SMC3: variants seen among roughly 807,000 people sequenced by gnomAD.
The protein encoded by SMC3 is structural maintenance of chromosomes protein 3.
In SMC3, 20 loss-of-function variants were observed where a neutral mutation model predicts 171.8. The ratio of observed to expected loss-of-function variants is 0.12; its 90% confidence interval spans 0.08 to 0.17. SMC3 has a LOEUF of 0.17. Among genes scored for constraint, SMC3 ranks in the 10% least tolerant of loss-of-function variants. SMC3 has a pLI of 1.00. For synonymous variants in SMC3, 464 were observed against 451.1 expected (o/e 1.03, Z -0.36); for missense variants, 543 against 1,420.4 (o/e 0.38, Z 9.93).
chr10:110,596,674 A>T, intron 19 of SMC3, 124 bp downstream of exon 19: 1 of 886,412 alleles, frequency 1.1e-6, no homozygotes, highest in Non-Finnish European at 1.7e-6. Flanking sequence ...TCAAGAGCTT[A>T]TGTTTGTTTA....
rs1590572239 is a variant in SMC3 at position 110,603,425 on chromosome 10, C to G, written c.3582+135C>G. The stretch of plus-strand genomic sequence containing the variant: ...ATCTGATGTCTTTGTAAAGAAAGAA[C>G]TTTTCCTTCAAATAACTATGAAGTT... On this transcript the variant is annotated intron_variant, in intron 28 of 28. Transcript: ENST00000361804. 4 of 653,894 alleles carry G rather than the reference C, an allele frequency of 6.1e-6. No individual in the cohort carries two copies. The East Asian group carries it at 1.1e-4, about 18-fold the overall frequency. The allele number at this position is 653,894 out of a possible 1,614,324, so 40.5% of individuals were successfully genotyped here.
intron 23 of SMC3, 151 bp from the exon 24 acceptor site, chr10:110,601,486 C>A: frequency 1.3e-6 from 1 of 762,624 alleles, no homozygotes; most frequent in Non-Finnish European, 2.1e-6. Context: ...TAATTTTGTA[C>A]TGACTTAACA....
chr10:110,590,650 A>T, intron 16 of SMC3, 78 bp downstream of exon 16: 1 of 1,225,026 alleles, frequency 8.2e-7, no homozygotes, highest in Non-Finnish European at 1.2e-6. Context: ...TAGTTTTTGT[A>T]CAACATATCT....
In SMC3 at chr10:110,583,714, A is replaced by T. The variant is rs1157848078; in HGVS notation, c.970-127A>T. On this transcript the variant is annotated intron_variant, in intron 11 of 28. Transcript: ENST00000361804. ...ACTTGGTACTGTCCCTTTGTTTCTT[A>T]CATTAAAAAAGAGTTTCATGTTACA... is the stretch of plus-strand genomic sequence containing the variant. 4 of 1,233,038 alleles carry T rather than the reference A, an allele frequency of 3.2e-6. No homozygotes were observed. The Admixed American group carries it at 6.4e-5, about 20-fold the overall frequency. 76.4% of individuals were successfully genotyped at this position (1,233,038 alleles called of 1,614,324 possible).
chr10:110,587,530 T>TA (rs1175765819), intron 13 of SMC3, among the ~76,000 whole-genome samples: 1 of 151,662 alleles, frequency 6.6e-6, no homozygotes, highest in Non-Finnish European at 1.5e-5. Context: ...CTAAAAAATA[T>TA]AAAAAATTAG....
intron 28 of SMC3, among the ~76,000 whole-genome samples, chr10:110,603,733 GAACA>G (rs1861423318): frequency 6.6e-6 from 1 of 152,096 alleles, no homozygotes; most frequent in African/African-American, 2.4e-5. Flanking sequence ...TCTATGCATT[GAACA>G]AACACCACTG....
intron 18 of SMC3, among the ~76,000 whole-genome samples, chr10:110,594,057 T>A (rs917681598): frequency 9.2e-5 from 14 of 151,820 alleles, no homozygotes; most frequent in Non-Finnish European, 1.8e-4. Context: ...CAATTAAGAG[T>A]CCAGACAGGG....
At chr10:110,589,773 CTT>C in intron 14 of SMC3, 65 bp downstream of exon 14, 1 of 1,423,790 alleles carries the variant, frequency 7.0e-7, no homozygotes. Context: ...GTTATGTGGT[CTT>C]TAAGTTACAA....
intron 4 of SMC3, among the ~76,000 whole-genome samples, chr10:110,575,638 A>G (rs1461523367): frequency 6.6e-6 from 1 of 152,150 alleles, no homozygotes; most frequent in Admixed American, 6.6e-5. Flanking sequence ...CTATAGATGG[A>G]TATGTCCTCC....
At chr10:110,593,560 A>G (rs891770700) in intron 18 of SMC3, among the ~76,000 whole-genome samples, 1 of 151,340 alleles carries the variant, frequency 6.6e-6, no homozygotes, top group Non-Finnish European at 1.5e-5. Flanking sequence ...TGACAGAGCG[A>G]GACTCTGTCT....
At position 110,571,835 on chromosome 10, in the gene SMC3, A is replaced by T. The variant is rs1304632069; in HGVS notation, c.92-1872A>T. ...TCATTTTTAAATAAAAAATGGGTTC[A>T]TCATATAACTTACTGGTAATCTGTT... On this transcript the variant is annotated intron_variant, in intron 2 of 28. Coordinates refer to ENST00000361804, the MANE Select transcript of SMC3 (RefSeq NM_005445.4). Among the ~76,000 whole-genome samples, 4 of 151,910 alleles carry T rather than the reference A, an allele frequency of 2.6e-5. No individual in the cohort carries two copies. In the South Asian group the frequency reaches 8.3e-4, roughly 32 times the overall value.
intron 12 of SMC3, 21 bp downstream of exon 12, chr10:110,583,983 A>C (rs751697443): frequency 1.6e-5 from 25 of 1,612,452 alleles, no homozygotes; most frequent in Non-Finnish European, 1.7e-5. Context: ...TTTCACCAAC[A>C]CTTTAACTTT....
Position 110,598,186 on chromosome 10 carries a change from G to A in SMC3, c.2164G>A (p.Glu722Lys). 6.2e-7 allele frequency: 1 copy of A among 1,613,768 alleles called. No homozygotes were observed. Among genetic ancestry groups the A allele is most frequent in the Non-Finnish European group, 8.5e-7 (1 of 1,179,876 alleles). ...GTTGATGAACCAAATGCAACAGATC[G>A]AGACCCAGCAAAGGAAATTTAAAGC... ...DQLMNQMQQIETQQRKFKASR... is the reference protein window; with the variant it reads ...DQLMNQMQQIKTQQRKFKASR... Residue 722 changes from glutamate to lysine, a missense_variant, in exon 20 of 29, where the codon GAG becomes AAG. Physicochemically the swap from Glu to Lys is moderately conservative, Grantham distance 56 (BLOSUM62 1). Transcript: ENST00000361804.
chr10:110,569,038 C>G, intron 2 of SMC3, 25 bp downstream of exon 2: 1 of 1,385,140 alleles, frequency 7.2e-7, no homozygotes, highest in Middle Eastern at 1.8e-4. Flanking sequence ...TTTACTCGGT[C>G]ATATTTATAG....
rs553925085 is a variant in SMC3 at position 110,597,052 on chromosome 10, G to A, written c.2116+502G>A. ...CCAGCTACTTGGGAGGCTGAGGCAG[G>A]AGGATCACTTGAGCCTGGGAGGTGG... is the stretch of plus-strand genomic sequence containing the variant. On this transcript the variant is annotated intron_variant, in intron 19 of 28. Coordinates refer to ENST00000361804, the MANE Select transcript of SMC3 (RefSeq NM_005445.4). Among the ~76,000 whole-genome samples the A allele has an allele frequency of 1.3e-4, 20 of 151,972 alleles. No homozygotes were observed. The East Asian group carries it at 2.1e-3, about 16-fold the overall frequency.
In SMC3 at chr10:110,604,840, T is replaced by TG. The variant is rs375118725; in HGVS notation, c.*538_*539insG. On this transcript the variant is annotated 3_prime_UTR_variant, in exon 29 of 29. Coordinates refer to ENST00000361804, the MANE Select transcript of SMC3 (RefSeq NM_005445.4). ...AAAATCAGCCCCTACCATGGTATAT[T>TG]TATCATTGATACATTACTATCAACT... Among the ~76,000 whole-genome samples the TG allele has an allele frequency of 4.2e-4, 64 of 152,318 alleles. No individual in the cohort carries two copies. The highest frequency in any genetic ancestry group is 1.4e-3 in the African/African-American group (58 of 41,576).
chr10:110,591,277 T>C, intron 17 of SMC3, 145 bp downstream of exon 17: 2 of 839,306 alleles, frequency 2.4e-6, no homozygotes, highest in East Asian at 2.7e-5. Context: ...TGGACCTTAG[T>C]GCTGAGTGGG....
chr10:110,594,377 A>G (rs1436797296), intron 18 of SMC3, among the ~76,000 whole-genome samples: 1 of 151,998 alleles, frequency 6.6e-6, no homozygotes, highest in African/African-American at 2.4e-5. Flanking sequence ...AGTGGGTCTA[A>G]TAGCTACCAT....
chr10:110,585,262 G>C (rs938393101), intron 13 of SMC3, among the ~76,000 whole-genome samples: 1 of 151,324 alleles, frequency 6.6e-6, no homozygotes, highest in South Asian at 2.1e-4. Flanking sequence ...TTACAGGCGT[G>C]AGCCACCGTG....
Sources: gnomAD v4.1 joint callset for allele counts (sites outside exome capture counted in the v4.1 genomes callset) on GRCh38, gnomAD v4.1.1 for gene constraint, MANE v1.5 for transcripts, NCBI Gene and HGNC (gene_info 2026-07-23, HGNC 2026-07-21) for gene names.